Variants in GRIA4 observed in about 807,000 individuals in gnomAD.
The protein encoded by GRIA4 is glutamate ionotropic receptor AMPA type subunit 4.
GRIA4 carries 34 observed loss-of-function variants against 104.0 expected under a neutral mutation model. The ratio of observed to expected loss-of-function variants is 0.33; its 90% CI spans 0.25 to 0.44. GRIA4 has a LOEUF of 0.44. Among genes scored for constraint, GRIA4 ranks in the 20% least tolerant of loss-of-function variants. GRIA4 has a pLI of 1.00. For missense variants in GRIA4, 750 were observed against 1,096.5 expected (o/e 0.68, Z 4.46); for synonymous variants, 386 against 381.9 (o/e 1.01, Z -0.13).
chr11:105,796,711 G>T (rs1231374096), intron 4 of GRIA4, among the ~76,000 whole-genome samples: 1 of 152,032 alleles, frequency 6.6e-6, no homozygotes, highest in Non-Finnish European at 1.5e-5. Flanking sequence ...AAAATAAAGT[G>T]GCCCCTTAAG....
At chr11:105,966,450 CCAAATATTGCTTAGTATCAG>C (rs1858373290) in intron 14 of GRIA4, among the ~76,000 whole-genome samples, 1 of 152,076 alleles carries the variant, frequency 6.6e-6, no homozygotes. Flanking sequence ...AGAACTTCTA[CCAAATATTGCTTAGTATCAG>C]CAATAACCTG....
At chr11:105,959,030 G>A (rs928363871) in intron 14 of GRIA4, among the ~76,000 whole-genome samples, 1 of 152,096 alleles carries the variant, frequency 6.6e-6, no homozygotes, top group African/African-American at 2.4e-5. Flanking sequence ...TGCCTCTCTG[G>A]CTGCCCTGAA....
intron 4 of GRIA4, among the ~76,000 whole-genome samples, chr11:105,763,385 C>G (rs1292940253): frequency 6.6e-6 from 1 of 152,148 alleles, no homozygotes; most frequent in Non-Finnish European, 1.5e-5. Flanking sequence ...TGTGTTGGTT[C>G]TGTACCACTG....
intron 16 of GRIA4, among the ~76,000 whole-genome samples, chr11:105,976,772 C>T (rs117668698): frequency 2.0e-5 from 3 of 151,966 alleles, no homozygotes; most frequent in Non-Finnish European, 4.4e-5. Context: ...AACAATCCAA[C>T]AAAACCCAGA....
At chr11:105,772,364 G>A (rs1022349309) in intron 4 of GRIA4, among the ~76,000 whole-genome samples, 4 of 152,114 alleles carry the variant, frequency 2.6e-5, no homozygotes, top group Non-Finnish European at 5.9e-5. Flanking sequence ...TGCAGCCACA[G>A]TTGCTCACCA....
chr11:105,645,060 G>A (rs1451520496), intron 3 of GRIA4, among the ~76,000 whole-genome samples: 2 of 152,098 alleles, frequency 1.3e-5, no homozygotes, highest in African/African-American at 4.8e-5. Context: ...GTGCCACAGG[G>A]CTGAAGAGGC....
At chr11:105,614,549 G>A (rs1392842705) in intron 3 of GRIA4, 4 of 151,818 alleles carry the variant, frequency 2.6e-5, no homozygotes, top group Non-Finnish European at 5.9e-5. Flanking sequence ...AAATTGACAC[G>A]AGTAAACTTT....
intron 5 of GRIA4, among the ~76,000 whole-genome samples, chr11:105,872,580 C>A (rs945005742): frequency 9.9e-5 from 15 of 152,084 alleles, no homozygotes; most frequent in African/African-American, 3.6e-4. Context: ...AATGATATAT[C>A]CCTTTGAAAC....
chr11:105,961,632 C>G (rs1948747324), intron 14 of GRIA4, among the ~76,000 whole-genome samples: 1 of 152,144 alleles, frequency 6.6e-6, no homozygotes, highest in Admixed American at 6.5e-5. Flanking sequence ...AGTTCAGCAT[C>G]CGTAATCTGA....
At chr11:105,845,933 G>A (rs935656962) in intron 4 of GRIA4, among the ~76,000 whole-genome samples, 2 of 152,140 alleles carry the variant, frequency 1.3e-5, no homozygotes, top group African/African-American at 2.4e-5. Context: ...ATCCCATAGA[G>A]TTGTTTTGAG....
At chr11:105,851,092 A>G (rs1422048098) in intron 4 of GRIA4, among the ~76,000 whole-genome samples, 4 of 152,208 alleles carry the variant, frequency 2.6e-5, no homozygotes, top group African/African-American at 9.7e-5. Flanking sequence ...CCATGCCAAT[A>G]AAGCACTTAA....
intron 3 of GRIA4, among the ~76,000 whole-genome samples, chr11:105,698,915 AC>A (rs1281035502): frequency 1.0e-4 from 1 of 9,684 alleles, no homozygotes; most frequent in Non-Finnish European, 4.4e-3. Context: ...AGGGGCAGCC[AC>A]TTAAGATAGG....
At chr11:105,684,166 G>A (rs1036340895) in intron 3 of GRIA4, among the ~76,000 whole-genome samples, 1 of 152,012 alleles carries the variant, frequency 6.6e-6, no homozygotes, top group Non-Finnish European at 1.5e-5. Flanking sequence ...GAGCCACTGC[G>A]CCGGGCCAAA....
At chr11:105,812,786 AG>A (rs1486049616) in intron 4 of GRIA4, among the ~76,000 whole-genome samples, 6 of 152,140 alleles carry the variant, frequency 3.9e-5, no homozygotes, top group Non-Finnish European at 7.3e-5. Flanking sequence ...ATTATGAAAA[AG>A]GGCTTTGATT....
At position 105,719,070 on chromosome 11, in the gene GRIA4, C is replaced by T. The variant is rs151114896; in HGVS notation, c.248-33911C>T. On this transcript the variant is annotated intron_variant, in intron 3 of 16. Transcript: ENST00000282499. ...TTTTTTAAATTTAAAAGGAAGGTGA[C>T]TGCTGACATTTTAACTATACAGTGT... is the stretch of plus-strand genomic sequence containing the variant. Among the ~76,000 whole-genome samples, 102 of 152,160 alleles carry T rather than the reference C, an allele frequency of 6.7e-4. 2 individuals carry two copies. In the East Asian group the frequency reaches 0.019, roughly 28 times the overall value.
intron 3 of GRIA4, among the ~76,000 whole-genome samples, chr11:105,724,237 T>C (rs985625632): frequency 6.6e-6 from 1 of 152,052 alleles, no homozygotes; most frequent in Non-Finnish European, 1.5e-5. Flanking sequence ...AATAAGTTTA[T>C]TGCAGTGATA....
chr11:105,971,626 G>A (rs1312041864), intron 14 of GRIA4, among the ~76,000 whole-genome samples: 2 of 152,136 alleles, frequency 1.3e-5, no homozygotes, highest in African/African-American at 2.4e-5. Context: ...CATTTATGTG[G>A]GGAAAATGGT....
intron 6 of GRIA4, among the ~76,000 whole-genome samples, chr11:105,892,217 A>G (rs1946482105): frequency 6.6e-6 from 1 of 152,164 alleles, no homozygotes; most frequent in Non-Finnish European, 1.5e-5. Context: ...CTCTGTATTG[A>G]TATTCACTCC....
intron 4 of GRIA4, among the ~76,000 whole-genome samples, chr11:105,797,002 G>GT (rs1945869050): frequency 1.3e-5 from 2 of 151,942 alleles, no homozygotes; most frequent in Non-Finnish European, 1.5e-5. Flanking sequence ...TGGCCGAGGT[G>GT]GGTGGATGGC....
Sources: allele counts gnomAD v4.1 joint callset (sites outside exome capture counted in the v4.1 genomes callset), GRCh38; gene constraint gnomAD v4.1.1; transcripts MANE v1.5; gene names NCBI Gene and HGNC (gene_info 2026-07-23, HGNC 2026-07-21).